Variants in NRXN2 observed in about 807,000 individuals in gnomAD.
The protein encoded by NRXN2 is neurexin-2-beta.
NRXN2 carries 29 observed loss-of-function variants against 128.8 expected under a neutral mutation model. The ratio of observed to expected loss-of-function variants is 0.23; its 90% CI spans 0.17 to 0.31. The LOEUF is 0.31. Among genes scored for constraint, NRXN2 ranks in the 10% least tolerant of loss-of-function variants. The pLI, the probability that NRXN2 is intolerant of heterozygous loss-of-function variation, is 1.00. For synonymous variants in NRXN2, 1,098 were observed against 1,075.2 expected (o/e 1.02, Z -0.41); for missense variants, 1,881 against 2,452.6 (o/e 0.77, Z 4.92).
chr11:64,696,426 G>A (rs2054532538), intron 3 of NRXN2, among the ~76,000 whole-genome samples: 5 of 152,034 alleles, frequency 3.3e-5, no homozygotes, highest in South Asian at 2.1e-4. Flanking sequence ...ACCATGTTAC[G>A]TGTACACAGC....
rs187397245 is a variant in NRXN2 at position 64,648,254 on chromosome 11, G to A, written c.3368C>T (p.Thr1123Ile). 9.1e-5 allele frequency: 147 copies of A among 1,614,234 alleles called. No individual in the cohort carries two copies. The highest frequency in any genetic ancestry group is 1.2e-4 in the Non-Finnish European group (142 of 1,180,030). Residue 1123 changes from threonine to isoleucine, a missense_variant, in exon 17 of 23, where the codon ACC (threonine) becomes ATC (isoleucine). Thr to Ile is a moderately conservative substitution (Grantham distance 89). This residue lies in a region of NRXN2 where 390 missense variants were observed against 599.6 expected (regional missense o/e 0.65). Transcript: ENST00000265459. The surrounding 1 kb of genome is among the most constrained non-coding windows in gnomAD (Gnocchi z 4.1). ...GACAGGGCCTCCATAGGAAGTCATGGTGCAGTCGCAGGTGAAGCCATCCCA... is the reference window on the plus strand; with the variant it reads ...GACAGGGCCTCCATAGGAAGTCATGATGCAGTCGCAGGTGAAGCCATCCCA... ...QQWDGFTCDC[T>I]MTSYGGPVCN...
Position 64,722,960 on chromosome 11 carries a change from C to CA in NRXN2, c.-245+10_-245+11insT, listed in dbSNP as rs2057476937. 1 of 138,492 alleles carries CA rather than the reference C, an allele frequency of 7.2e-6. No individual in the cohort carries two copies. Among genetic ancestry groups the CA allele is most frequent in the African/African-American group, 2.8e-5 (1 of 35,418 alleles). The allele number at this position is 138,492 out of a possible 1,614,324, so 8.6% of individuals were successfully genotyped here. A position where few individuals can be genotyped will look rare whatever the true frequency, so the allele number is the denominator to read the frequency against. ...CGTCTCCGCCGCAGCGCCCCCCCCC[C>CA]CCCATTTTACCTGGTTCTCGGGGCG... On this transcript the variant is annotated intron_variant, in intron 1 of 22. Transcript: ENST00000265459.
At chr11:64,624,807 T>A (rs1031381987) in intron 20 of NRXN2, among the ~76,000 whole-genome samples, 1 of 152,206 alleles carries the variant, frequency 6.6e-6, no homozygotes, top group African/African-American at 2.4e-5. Context: ...GCTTTGGAAC[T>A]GGAAAATGGA....
chr11:64,712,873 C>T, intron 2 of NRXN2, 97 bp downstream of exon 2: 2 of 1,114,952 alleles, frequency 1.8e-6, no homozygotes, highest in South Asian at 1.4e-5. Flanking sequence ...GCCCAGCCCC[C>T]GTGCCTCAGG....
chr11:64,678,109 T>G (rs193036593), intron 6 of NRXN2, among the ~76,000 whole-genome samples: 4 of 152,172 alleles, frequency 2.6e-5, no homozygotes, highest in African/African-American at 9.6e-5. Flanking sequence ...TTGTTTTTGT[T>G]TTTGTTTTCT....
At chr11:64,664,314 T>G (rs1030166510) in intron 9 of NRXN2, among the ~76,000 whole-genome samples, 46 of 150,480 alleles carry the variant, frequency 3.1e-4, no homozygotes, top group African/African-American at 1.0e-3. Flanking sequence ...CTGTCTCTAG[T>G]TAAAAAAAAA....
intron 11 of NRXN2, among the ~76,000 whole-genome samples, chr11:64,655,815 CTG>C (rs1234977156): frequency 1.3e-5 from 2 of 152,210 alleles, no homozygotes; most frequent in Non-Finnish European, 2.9e-5. Context: ...AAGCCAGAGA[CTG>C]AGAGTGAGCA....
In NRXN2 at chr11:64,650,513, G is replaced by A. The variant is rs373701292; in HGVS notation, c.3044C>T (p.Thr1015Met). 26 of 1,614,106 alleles carry A rather than the reference G, an allele frequency of 1.6e-5. No homozygotes were observed. Among genetic ancestry groups the A allele is most frequent in the African/African-American group, 4.0e-5 (3 of 74,930 alleles). ...GACAGTGCGGGAGTCAATCTTGAGC[G>A]TGTGCACGTTGCCTGGGTCCCTGGA... ...VVSRDPGNVH[T>M]LKIDSRTVTQ... Residue 1015 changes from threonine to methionine, a missense_variant, in exon 15 of 23, where the codon ACG becomes ATG. By Grantham distance (81) the Thr-to-Met change is moderately conservative. Transcript: ENST00000265459.
chr11:64,692,931 A>G, intron 3 of NRXN2, 55 bp from the exon 4 acceptor site: 1 of 1,455,834 alleles, frequency 6.9e-7, no homozygotes, highest in Non-Finnish European at 9.5e-7. Context: ...AGAAAAAAGA[A>G]AGAAAAGGGG....
rs778182425 is a variant in NRXN2 at position 64,685,822 on chromosome 11, G to A, written c.976C>T (p.Leu326=). Residue 326 remains leucine (L), a synonymous_variant, in exon 6 of 23, where the codon CTG becomes TTG. Coordinates refer to ENST00000265459, the MANE Select transcript of NRXN2 (RefSeq NM_015080.4). ...GCCGACTTGCCTGTATGCAGCATCA[G>A]GCCGTTGCGTTGCAGGGTGCGGAAG... ...LAFRTLQRNG[L]MLHTGKSADY... is the part of the protein sequence containing the mutation. 4.3e-6 allele frequency: 7 copies of A among 1,614,146 alleles called. No individual in the cohort carries two copies. The African/African-American group carries it at 9.3e-5, about 22-fold the overall frequency.
intron 22 of NRXN2, among the ~76,000 whole-genome samples, chr11:64,615,055 C>A (rs2041264793): frequency 6.6e-6 from 1 of 152,220 alleles, no homozygotes; most frequent in Non-Finnish European, 1.5e-5. Context: ...CTCCTCAGGG[C>A]ACAGCAAGGC....
chr11:64,681,197 G>C (rs964756184), intron 6 of NRXN2, among the ~76,000 whole-genome samples: 20 of 151,366 alleles, frequency 1.3e-4, no homozygotes, highest in Non-Finnish European at 1.9e-4. Flanking sequence ...ACATGAAGTA[G>C]TTAGATCTGC....
rs1316867383 is a variant in NRXN2, at chr11:64,607,012, G to A, written c.*184C>T. 1.5e-6 allele frequency: 1 copy of A among 654,464 alleles called. No homozygotes were observed. The highest frequency in any genetic ancestry group is 2.8e-5 in the East Asian group (1 of 36,300). The allele number at this position is 654,464 out of a possible 1,614,324, so 40.5% of individuals were successfully genotyped here. A position where few individuals can be genotyped will look rare whatever the true frequency, so the allele number is the denominator to read the frequency against. On this transcript the variant is annotated 3_prime_UTR_variant, in exon 23 of 23. Coordinates refer to ENST00000265459, the MANE Select transcript of NRXN2 (RefSeq NM_015080.4). ...CCCGGGACTGACGAGGCCGCGCAGT[G>A]GACGGCAGGAGGAAGGGGGCGAGCA...
intron 5 of NRXN2, chr11:64,688,459 C>G (rs146408742): frequency 1.0e-6 from 1 of 985,436 alleles, no homozygotes; most frequent in East Asian, 1.1e-4. Context: ...GAGGTCGGAG[C>G]ATGACTTCAA....
At chr11:64,697,587 C>T (rs762996358) in intron 3 of NRXN2, among the ~76,000 whole-genome samples, 188 bp downstream of exon 3, 2 of 152,098 alleles carry the variant, frequency 1.3e-5, no homozygotes, top group East Asian at 1.9e-4. Flanking sequence ...GCAGCTCCCC[C>T]GAAACTCATG....
At chr11:64,639,628 A>G (rs2045351382) in intron 17 of NRXN2, among the ~76,000 whole-genome samples, 1 of 152,044 alleles carries the variant, frequency 6.6e-6, no homozygotes, top group South Asian at 2.1e-4. Context: ...CCAGACAGAC[A>G]TCAGGTACAG....
intron 22 of NRXN2, among the ~76,000 whole-genome samples, chr11:64,615,805 T>G (rs1023184457): frequency 6.6e-6 from 1 of 151,990 alleles, no homozygotes; most frequent in Non-Finnish European, 1.5e-5. Flanking sequence ...CACTTGCACC[T>G]GTGTGGGCTA....
intron 17 of NRXN2, among the ~76,000 whole-genome samples, chr11:64,641,375 G>A (rs2045641175): frequency 6.6e-6 from 1 of 152,102 alleles, no homozygotes; most frequent in South Asian, 2.1e-4. Flanking sequence ...AAAATGGGAG[G>A]TGAGGAGGTC....
At chr11:64,653,097 C>T (rs1016262839) in intron 12 of NRXN2, among the ~76,000 whole-genome samples, 9 of 152,096 alleles carry the variant, frequency 5.9e-5, no homozygotes, top group African/African-American at 7.2e-5. Context: ...TGAGCCCAGG[C>T]GCACTGGGAT....
Sources: gnomAD v4.1 joint callset for allele counts (sites outside exome capture counted in the v4.1 genomes callset) on GRCh38, gnomAD v4.1.1 for gene constraint, gnomAD v4.1.1 regional missense constraint, Gnocchi (gnomAD v3.1) non-coding constraint, MANE v1.5 for transcripts, NCBI Gene and HGNC (gene_info 2026-07-23, HGNC 2026-07-21) for gene names.